KLHL1: variants seen among roughly 807,000 people sequenced by gnomAD.
KLHL1 encodes the protein kelch like family member 1.
Under a neutral mutation model 77.7 loss-of-function variants are expected in KLHL1, and 47 were observed. The ratio of observed to expected loss-of-function variants is 0.60; its 90% CI spans 0.48 to 0.77. The LOEUF is 0.77. Ranked by LOEUF, KLHL1 falls within the 30% of genes least tolerant of loss-of-function variation. The pLI, the probability that KLHL1 is intolerant of heterozygous loss-of-function variation, is 0.00. For synonymous variants in KLHL1, 360 were observed against 325.2 expected, an observed-to-expected ratio of 1.11 and a Z score of -1.15; for missense variants, 925 against 910.8, an observed-to-expected ratio of 1.02 and a Z score of -0.20.
At chr13:70,051,149 A>G (rs75635812) in intron 1 of KLHL1, among the ~76,000 whole-genome samples, 1 of 152,026 alleles carries the variant, frequency 6.6e-6, no homozygotes, top group East Asian at 1.9e-4. Flanking sequence ...ATATTCATTA[A>G]GAAATGTTTT....
intron 7 of KLHL1, among the ~76,000 whole-genome samples, chr13:69,770,309 G>A (rs550860542): frequency 4.6e-5 from 7 of 152,186 alleles, no homozygotes; most frequent in African/African-American, 1.7e-4. Flanking sequence ...CTGCTGGCCC[G>A]AGTGGGCAGA....
At chr13:69,797,612 C>A (rs960265260) in intron 6 of KLHL1, among the ~76,000 whole-genome samples, 1 of 149,864 alleles carries the variant, frequency 6.7e-6, no homozygotes, top group Non-Finnish European at 1.5e-5. Context: ...GTCAGGAGAT[C>A]GAGACCATCC....
chr13:69,820,448 C>A lies in KLHL1; in HGVS notation c.1414+18528G>T, dbSNP rs146097196. Among the ~76,000 whole-genome samples, 311 of 152,230 alleles carry A rather than the reference C, an allele frequency of 2.0e-3. 1 individual carries two copies. The highest frequency in any genetic ancestry group is 7.1e-3 in the African/African-American group (294 of 41,540). On this transcript the variant is annotated intron_variant, in intron 6 of 10. Transcript: ENST00000377844. ...AGGTGATCATTATCAAGTTCATGCA[C>A]AGGCTTTTGTGTTTACTCTCTGTCT... is the stretch of plus-strand genomic sequence containing the variant.
At chr13:69,760,268 C>T (rs182197621) in intron 7 of KLHL1, among the ~76,000 whole-genome samples, 27 of 152,176 alleles carry the variant, frequency 1.8e-4, no homozygotes, top group African/African-American at 6.5e-4. Context: ...AGCTGAGGAC[C>T]TACCTTTTGT....
rs942281442 is a variant in KLHL1 at position 70,107,938 on chromosome 13, C to T, written c.-239G>A. The T allele has an allele frequency of 8.3e-6, 4 of 479,282 alleles. No individual in the cohort carries two copies. The highest frequency in any genetic ancestry group is 1.5e-5 in the Non-Finnish European group (4 of 273,680). 29.7% of individuals were successfully genotyped at this position (479,282 alleles called of 1,614,324 possible). ...GCAGGACCTGGGCGTGGGGACACCA[C>T]CAGGCAGGAGCAGAGGCAGGACTGG... On this transcript the variant is annotated 5_prime_UTR_variant, in exon 1 of 11. The change creates a new upstream start codon in the 5' untranslated region. Transcript: ENST00000377844.
At chr13:69,788,901 C>G (rs1355304397) in intron 7 of KLHL1, among the ~76,000 whole-genome samples, 2 of 152,028 alleles carry the variant, frequency 1.3e-5, no homozygotes, top group Non-Finnish European at 2.9e-5. Flanking sequence ...CTCTATTATT[C>G]TAATGATATT....
In KLHL1 at chr13:70,009,816, A is replaced by G. The variant is rs1566495154; in HGVS notation, c.498-34014T>C. ...TGCCAATTTGGATCCATAGTAATAAACAAAAGACAAATTCCTATTCCCATG... is the reference window on the plus strand; with the variant it reads ...TGCCAATTTGGATCCATAGTAATAAGCAAAAGACAAATTCCTATTCCCATG... On this transcript the variant is annotated intron_variant, in intron 1 of 10. Transcript: ENST00000377844. 3.3e-5 allele frequency among the ~76,000 whole-genome samples: 5 copies of G among 152,184 alleles called. No homozygotes were observed. The South Asian group carries it at 8.3e-4, about 25-fold the overall frequency.
chr13:69,982,413 G>A (rs1340055463), intron 1 of KLHL1, among the ~76,000 whole-genome samples: 1 of 147,990 alleles, frequency 6.8e-6, no homozygotes, highest in Non-Finnish European at 1.5e-5. Context: ...TCCAGCCTGG[G>A]CGACAGAGCA....
chr13:69,921,248 A>C, intron 4 of KLHL1, among the ~76,000 whole-genome samples: 1 of 152,324 alleles, frequency 6.6e-6, no homozygotes, highest in Non-Finnish European at 1.5e-5. Flanking sequence ...AGTCACTCCT[A>C]TTGTCTGCAA....
At chr13:69,804,101 A>G (rs1229147185) in intron 6 of KLHL1, among the ~76,000 whole-genome samples, 2 of 152,168 alleles carry the variant, frequency 1.3e-5, no homozygotes, top group Non-Finnish European at 2.9e-5. Flanking sequence ...TACAATTTAT[A>G]AAGTATTGGT....
intron 1 of KLHL1, among the ~76,000 whole-genome samples, chr13:70,010,536 T>TG (rs930045736): frequency 3.3e-5 from 5 of 152,040 alleles, no homozygotes; most frequent in Non-Finnish European, 7.4e-5. Context: ...CCCAGCCACA[T>TG]GGGGGTACAT....
intron 3 of KLHL1, among the ~76,000 whole-genome samples, chr13:69,948,245 T>C (rs1883593754): frequency 6.6e-6 from 1 of 152,054 alleles, no homozygotes; most frequent in Non-Finnish European, 1.5e-5. Flanking sequence ...TAGTTTCAGG[T>C]TTCAGATTCA....
chr13:69,705,167 G>A (rs1875568781), intron 10 of KLHL1, among the ~76,000 whole-genome samples: 1 of 151,560 alleles, frequency 6.6e-6, no homozygotes, highest in African/African-American at 2.4e-5. Context: ...TTTTACTTAG[G>A]CTAGGAGAAA....
intron 1 of KLHL1, among the ~76,000 whole-genome samples, chr13:69,997,265 AATTTT>A (rs1885179529): frequency 6.8e-6 from 1 of 147,780 alleles, no homozygotes; most frequent in Non-Finnish European, 1.5e-5. Context: ...ATTTTATTCA[AATTTT>A]ATTTTTTCTT....
intron 7 of KLHL1, among the ~76,000 whole-genome samples, chr13:69,773,253 C>A (rs1215897948): frequency 2.6e-5 from 4 of 151,786 alleles, no homozygotes; most frequent in Non-Finnish European, 4.4e-5. Flanking sequence ...AATGTAAAGT[C>A]CTCTGGAAAT....
chr13:69,704,484 A>G (rs1566349767), intron 10 of KLHL1, among the ~76,000 whole-genome samples: 1 of 151,626 alleles, frequency 6.6e-6, no homozygotes, highest in East Asian at 1.9e-4. Context: ...GCTCTTACCA[A>G]TGATGTTCCT....
chr13:69,701,989 C>G (rs1485970487), intron 10 of KLHL1, among the ~76,000 whole-genome samples: 2 of 151,570 alleles, frequency 1.3e-5, no homozygotes, highest in Non-Finnish European at 3.0e-5. Flanking sequence ...GTTTTAAAAA[C>G]AGTAATAAAA....
At chr13:70,077,670 A>C (rs1887297058) in intron 1 of KLHL1, among the ~76,000 whole-genome samples, 1 of 151,992 alleles carries the variant, frequency 6.6e-6, no homozygotes, top group Non-Finnish European at 1.5e-5. Context: ...TAATAGGGGA[A>C]ATTGGAGGAT....
chr13:69,754,666 C>A (rs778060714), intron 7 of KLHL1, among the ~76,000 whole-genome samples: 2 of 152,146 alleles, frequency 1.3e-5, no homozygotes, highest in South Asian at 2.1e-4. Flanking sequence ...AAAAAAAAAT[C>A]ATCCTAATAC....
Sources: allele counts gnomAD v4.1 joint callset (sites outside exome capture counted in the v4.1 genomes callset), GRCh38; gene constraint gnomAD v4.1.1; transcripts MANE v1.5; gene names NCBI Gene and HGNC (gene_info 2026-07-23, HGNC 2026-07-21).